RASGRF2: variants seen among roughly 807,000 people sequenced by gnomAD.
RASGRF2 encodes ras-specific guanine nucleotide-releasing factor 2.
In RASGRF2, 76 loss-of-function variants were observed where a neutral mutation model predicts 151.0. The observed-to-expected ratio is 0.50, with a 90% CI of 0.42 to 0.61. The LOEUF is 0.61. Ranked by LOEUF, RASGRF2 falls within the 20% of genes least tolerant of loss-of-function variation. The probability of loss-of-function intolerance (pLI) is 0.00; values close to 1 mark genes in which losing one functional copy is unlikely to be tolerated. For synonymous variants in RASGRF2, 504 were observed against 566.5 expected (o/e 0.89, Z 1.57); for missense variants, 1,148 against 1,564.6 (o/e 0.73, Z 4.49).
chr5:81,087,356 T>C lies in RASGRF2; in HGVS notation c.1390+403T>C, dbSNP rs1459138942. On this transcript the variant is annotated intron_variant, in intron 9 of 26. Transcript: ENST00000265080. ...CTTTCACATAAGACTGGGGACCATG[T>C]CCGAAGTGAAAACAGCTGTCTGTTG... The C allele has an allele frequency of 5.7e-6, 4 of 702,668 alleles. No individual in the cohort carries two copies. The East Asian group carries it at 8.0e-5, about 14-fold the overall frequency. The allele number at this position is 702,668 out of a possible 1,614,324, so 43.5% of individuals were successfully genotyped here.
chr5:81,217,570 T>C (rs1755767180), intron 25 of RASGRF2, 97 bp downstream of exon 25: 5 of 522,374 alleles, frequency 9.6e-6, no homozygotes, highest in African/African-American at 2.2e-5. Context: ...TTTTTTTTTC[T>C]CTTCTTTTTT....
rs140333686 is a variant in RASGRF2 at position 81,163,999 on chromosome 5, G to A, written c.2687-16176G>A. ...TATAATAAACACTACATAAATATTA[G>A]CATTGTATTGTTACTATTTTCCATA... On this transcript the variant is annotated intron_variant, in intron 17 of 26. Transcript: ENST00000265080. 3.4e-3 allele frequency among the ~76,000 whole-genome samples: 522 copies of A among 152,252 alleles called. 3 individuals are homozygous for A. Among genetic ancestry groups the A allele is most frequent in the African/African-American group, 0.012 (508 of 41,548 alleles).
At chr5:81,159,089 A>G (rs1754323851) in intron 17 of RASGRF2, among the ~76,000 whole-genome samples, 1 of 152,252 alleles carries the variant, frequency 6.6e-6, no homozygotes, top group Non-Finnish European at 1.5e-5. Flanking sequence ...ATATTAATAC[A>G]CATGAATATA....
chr5:81,191,821 G>A (rs371035861), intron 18 of RASGRF2, among the ~76,000 whole-genome samples: 4 of 152,182 alleles, frequency 2.6e-5, no homozygotes, highest in African/African-American at 7.2e-5. Context: ...TCAGAACTAG[G>A]GGCTGAATTT....
rs553213506 is a variant in RASGRF2 at position 81,094,221 on chromosome 5, T to C, written c.1552-75T>C. ...GCTTTCTTCCATGGCAACTTGAATATAGTGTTTACAAATCAGAGCTTCCCA... is the reference window on the plus strand; with the variant it reads ...GCTTTCTTCCATGGCAACTTGAATACAGTGTTTACAAATCAGAGCTTCCCA... On this transcript the variant is annotated intron_variant, in intron 10 of 26. Transcript: ENST00000265080. 84 of 1,184,936 alleles carry C rather than the reference T, an allele frequency of 7.1e-5. No individual in the cohort carries two copies. In the South Asian group the frequency reaches 9.5e-4, roughly 13 times the overall value. 73.4% of individuals were successfully genotyped at this position (1,184,936 alleles called of 1,614,324 possible). A position where few individuals can be genotyped will look rare whatever the true frequency, so the allele number is the denominator to read the frequency against.
intron 2 of RASGRF2, among the ~76,000 whole-genome samples, chr5:81,049,443 T>C (rs1335010315): frequency 1.3e-5 from 2 of 152,206 alleles, no homozygotes; most frequent in Non-Finnish European, 2.9e-5. Context: ...CTAAGTCTTA[T>C]CTCGAAATTT....
At chr5:81,020,292 A>G (rs1008890965) in intron 1 of RASGRF2, among the ~76,000 whole-genome samples, 5 of 152,188 alleles carry the variant, frequency 3.3e-5, no homozygotes, top group African/African-American at 1.2e-4. Flanking sequence ...TCCATGGCTT[A>G]TGATAAAAAG....
At chr5:81,022,660 C>T (rs1441629809) in intron 1 of RASGRF2, among the ~76,000 whole-genome samples, 1 of 152,206 alleles carries the variant, frequency 6.6e-6, no homozygotes, top group Non-Finnish European at 1.5e-5. Flanking sequence ...CGGACCTCTC[C>T]TTCTTGCCAC....
At chr5:81,216,019 T>C in intron 24 of RASGRF2, 64 bp downstream of exon 24, 1 of 1,336,682 alleles carries the variant, frequency 7.5e-7, no homozygotes, top group Admixed American at 3.6e-5. Context: ...ATGTATATAG[T>C]ATACAAACAG....
At chr5:81,136,115 C>T (rs935774729) in intron 17 of RASGRF2, among the ~76,000 whole-genome samples, 1 of 152,166 alleles carries the variant, frequency 6.6e-6, no homozygotes, top group Non-Finnish European at 1.5e-5. Context: ...TGGGTTCAGG[C>T]AATTCTGCCT....
intron 16 of RASGRF2, among the ~76,000 whole-genome samples, chr5:81,126,640 C>T (rs1307807286): frequency 6.6e-6 from 1 of 152,178 alleles, no homozygotes; most frequent in African/African-American, 2.4e-5. Flanking sequence ...GGACATTTAA[C>T]ACAAAGGGAA....
intron 18 of RASGRF2, among the ~76,000 whole-genome samples, chr5:81,193,667 C>T (rs1755198902): frequency 1.3e-5 from 2 of 152,138 alleles, no homozygotes; most frequent in African/African-American, 4.8e-5. Context: ...AGGCGCCCAC[C>T]ACCATGCCCA....
intron 1 of RASGRF2, among the ~76,000 whole-genome samples, chr5:80,995,091 C>T (rs1487560638): frequency 2.0e-5 from 3 of 151,976 alleles, no homozygotes; most frequent in African/African-American, 7.3e-5. Flanking sequence ...CCCGTCTCTA[C>T]TGAAAATACA....
At chr5:80,999,378 GC>G (rs1749004768) in intron 1 of RASGRF2, among the ~76,000 whole-genome samples, 1 of 151,998 alleles carries the variant, frequency 6.6e-6, no homozygotes, top group African/African-American at 2.4e-5. Flanking sequence ...TTGCTCTGTT[GC>G]CCAGGTTGGT....
Position 81,229,917 on chromosome 5 carries a change from A to G in RASGRF2, c.*4147A>G, listed in dbSNP as rs956103091. The stretch of plus-strand genomic sequence containing the variant: ...CAAAGTGCTGTCCGCACATGAGGTC[A>G]TCTGATTACTGTCCTCAGATCTCTT... On this transcript the variant is annotated 3_prime_UTR_variant, in exon 27 of 27. Transcript: ENST00000265080. 1 of 152,392 alleles carries G rather than the reference A, an allele frequency of 6.6e-6. No homozygotes were observed. Among genetic ancestry groups the G allele is most frequent in the East Asian group, 1.9e-4 (1 of 5,190 alleles). 9.4% of individuals were successfully genotyped at this position (152,392 alleles called of 1,614,324 possible).
chr5:81,095,286 G>A (rs1752515361), intron 12 of RASGRF2, among the ~76,000 whole-genome samples: 1 of 152,100 alleles, frequency 6.6e-6, no homozygotes, highest in African/African-American at 2.4e-5. Context: ...AGATTGCCCT[G>A]TTAGTAATAA....
intron 2 of RASGRF2, among the ~76,000 whole-genome samples, chr5:81,066,954 G>A (rs376700759): frequency 1.1e-4 from 17 of 152,168 alleles, no homozygotes; most frequent in African/African-American, 3.4e-4. Context: ...AAACACTTCC[G>A]CTGCAACATT....
At chr5:81,070,094 A>G in intron 3 of RASGRF2, 1 of 180,180 alleles carries the variant, frequency 5.6e-6, no homozygotes, top group Non-Finnish European at 1.2e-5. Context: ...GGCCAGAACC[A>G]GGGGCTCTGA....
At chr5:81,046,522 A>G (rs1750841211) in intron 2 of RASGRF2, among the ~76,000 whole-genome samples, 1 of 152,154 alleles carries the variant, frequency 6.6e-6, no homozygotes, top group Admixed American at 6.5e-5. Flanking sequence ...ATATCATTTT[A>G]CCACATGTTA....
Sources: gnomAD v4.1 joint callset for allele counts (sites outside exome capture counted in the v4.1 genomes callset) on GRCh38, gnomAD v4.1.1 for gene constraint, MANE v1.5 for transcripts, NCBI Gene and HGNC (gene_info 2026-07-23, HGNC 2026-07-21) for gene names.